PAPPA2: variants seen among roughly 807,000 people sequenced by gnomAD.
PAPPA2 encodes pappalysin-2.
In PAPPA2, 86 loss-of-function variants were observed where a neutral mutation model predicts 176.4. The observed-to-expected ratio is 0.49, with a 90% CI of 0.41 to 0.58. PAPPA2 has a LOEUF of 0.58. PAPPA2 is among the 20% of genes least tolerant of loss of function. The pLI, the probability that PAPPA2 is intolerant of heterozygous loss-of-function variation, is 0.00. For missense variants in PAPPA2, 2,073 were observed against 2,256.9 expected, an observed-to-expected ratio of 0.92 and a Z score of 1.65; for synonymous variants, 809 against 852.2, an observed-to-expected ratio of 0.95 and a Z score of 0.88.
At chr1:176,799,914 G>A in intron 20 of PAPPA2, 147 bp from the exon 21 acceptor site, 1 of 746,588 alleles carries the variant, frequency 1.3e-6, no homozygotes, top group Non-Finnish European at 2.3e-6. Context: ...AGGCTAGATA[G>A]CCCCAATCCA....
At chr1:176,701,630 C>T (rs1381603169) in intron 8 of PAPPA2, among the ~76,000 whole-genome samples, 1 of 152,142 alleles carries the variant, frequency 6.6e-6, no homozygotes, top group African/African-American at 2.4e-5. Context: ...GTTGCTGCAT[C>T]AGCTGAGGGA....
chr1:176,800,035 T>A, intron 20 of PAPPA2, 26 bp from the exon 21 acceptor site: 1 of 1,613,658 alleles, frequency 6.2e-7, no homozygotes, highest in Non-Finnish European at 8.5e-7. Flanking sequence ...AATTTTGTTT[T>A]CTGTTTTTCC....
intron 17 of PAPPA2, among the ~76,000 whole-genome samples, chr1:176,775,420 T>C (rs554940728): frequency 6.6e-6 from 1 of 152,280 alleles, no homozygotes; most frequent in African/African-American, 2.4e-5. Flanking sequence ...TAAACATATA[T>C]AAGTAATTTT....
At chr1:176,549,225 CA>C (rs1203747660) in intron 1 of PAPPA2, among the ~76,000 whole-genome samples, 2 of 152,220 alleles carry the variant, frequency 1.3e-5, no homozygotes, top group African/African-American at 2.4e-5. Flanking sequence ...ACTCTTCACA[CA>C]GTACCCCTGT....
chr1:176,539,846 T>C (rs1032911331), intron 1 of PAPPA2, among the ~76,000 whole-genome samples: 10 of 152,222 alleles, frequency 6.6e-5, no homozygotes, highest in African/African-American at 2.4e-4. Context: ...AACATTTTGC[T>C]GTGGCCATGC....
Position 176,769,853 on chromosome 1 carries a change from G to A in PAPPA2, c.4501+69G>A, listed in dbSNP as rs988025449. The A allele has an allele frequency of 8.9e-6, 13 of 1,453,882 alleles. No homozygotes were observed. In the African/African-American group the frequency reaches 1.9e-4, roughly 21 times the overall value. The allele number at this position is 1,453,882 out of a possible 1,614,324, so 90.1% of individuals were successfully genotyped here. ...TCCCTCGCTCTTGAGGGTACTTTGG[G>A]ACTCTTTTCGTTACCCCAACACCTT... On this transcript the variant is annotated intron_variant, in intron 16 of 22. Coordinates refer to ENST00000367662, the MANE Select transcript of PAPPA2 (RefSeq NM_020318.3).
In PAPPA2 at chr1:176,556,189, G is replaced by C; in HGVS notation, c.-134G>C. On this transcript the variant is annotated 5_prime_UTR_variant, in exon 2 of 23. Coordinates refer to ENST00000367662, the MANE Select transcript of PAPPA2 (RefSeq NM_020318.3). ...GGCATTCTTGGGGCTATTTGAAAAA[G>C]TTTGGTCTGTGAACAAAACAGTTTC... 9.2e-7 allele frequency: 1 copy of C among 1,087,250 alleles called. No individual in the cohort carries two copies. The allele number at this position is 1,087,250 out of a possible 1,614,324, so 67.4% of individuals were successfully genotyped here.
chr1:176,809,855 TG>T (rs1166776369), intron 21 of PAPPA2, among the ~76,000 whole-genome samples: 1 of 151,958 alleles, frequency 6.6e-6, no homozygotes, highest in African/African-American at 2.4e-5. Context: ...CGAGGAATAG[TG>T]GCAATCACGG....
intron 3 of PAPPA2, among the ~76,000 whole-genome samples, chr1:176,623,720 T>TTCTTTCTC (rs1191887920): frequency 7.5e-6 from 1 of 133,310 alleles, no homozygotes; most frequent in Non-Finnish European, 1.6e-5. Context: ...TCTTCTTTCT[T>TTCTTTCTC]TCTTTCTCTT....
intron 12 of PAPPA2, among the ~76,000 whole-genome samples, chr1:176,736,718 T>A (rs908966002): frequency 6.6e-6 from 1 of 150,930 alleles, no homozygotes; most frequent in Admixed American, 6.6e-5. Flanking sequence ...TATGTCCTTA[T>A]GTACAGCAAA....
At position 176,780,738 on chromosome 1, in the gene PAPPA2, C is replaced by T. The variant is rs145681818; in HGVS notation, c.4716-9071C>T. On this transcript the variant is annotated intron_variant, in intron 17 of 22. Transcript: ENST00000367662. ...CTAATATAATAAATAGGCATATTCTCGGTGCTCAATAAATATTTGTTGAAT... is the reference window on the plus strand; with the variant it reads ...CTAATATAATAAATAGGCATATTCTTGGTGCTCAATAAATATTTGTTGAAT... 2.4e-3 allele frequency among the ~76,000 whole-genome samples: 361 copies of T among 151,972 alleles called. 1 individual carries two copies. Among genetic ancestry groups the T allele is most frequent in the African/African-American group, 7.7e-3 (319 of 41,456 alleles).
intron 12 of PAPPA2, among the ~76,000 whole-genome samples, chr1:176,720,627 G>A (rs1020021492): frequency 1.3e-5 from 2 of 152,038 alleles, no homozygotes; most frequent in Non-Finnish European, 2.9e-5. Context: ...AGAAACAATA[G>A]GATGTATCTA....
intron 12 of PAPPA2, among the ~76,000 whole-genome samples, chr1:176,721,105 A>G (rs2102849300): frequency 6.6e-6 from 1 of 152,268 alleles, no homozygotes; most frequent in South Asian, 2.1e-4. Flanking sequence ...ACACCCAGAA[A>G]TAATGCTTTA....
intron 11 of PAPPA2, among the ~76,000 whole-genome samples, chr1:176,711,360 A>T (rs906688012): frequency 3.3e-5 from 5 of 152,124 alleles, no homozygotes; most frequent in Admixed American, 6.6e-5. Flanking sequence ...AGTGGCTTTT[A>T]GTCTAGTCTG....
rs553484684 is a variant in PAPPA2, at chr1:176,651,007, T to C, written c.1992-19963T>C. Among the ~76,000 whole-genome samples, 171 of 151,884 alleles carry C rather than the reference T, an allele frequency of 1.1e-3. 1 individual carries two copies. The highest frequency in any genetic ancestry group is 3.4e-3 in the Middle Eastern group (1 of 294). On this transcript the variant is annotated intron_variant, in intron 3 of 22. Transcript: ENST00000367662. Reference sequence around the variant, plus strand: ...AAAGTGAAAACTTTTTAAAAGTTGGTACTTTATCCCTTCAACATTTTAACT... The same window carrying C: ...AAAGTGAAAACTTTTTAAAAGTTGGCACTTTATCCCTTCAACATTTTAACT...
At chr1:176,515,524 C>G (rs567304382) in intron 1 of PAPPA2, among the ~76,000 whole-genome samples, 5 of 152,170 alleles carry the variant, frequency 3.3e-5, no homozygotes, top group Non-Finnish European at 4.4e-5. Flanking sequence ...TCACGGGCTT[C>G]CTGCCAAACC....
At chr1:176,746,624 A>G (rs1330919468) in intron 14 of PAPPA2, among the ~76,000 whole-genome samples, 3 of 152,166 alleles carry the variant, frequency 2.0e-5, no homozygotes, top group Non-Finnish European at 4.4e-5. Context: ...TAATGTTTTG[A>G]ACTTAAGCAA....
intron 2 of PAPPA2, among the ~76,000 whole-genome samples, chr1:176,557,590 C>T (rs1347706107): frequency 6.6e-6 from 1 of 152,118 alleles, no homozygotes; most frequent in Non-Finnish European, 1.5e-5. Flanking sequence ...ACTCCATTTC[C>T]GGTAGACCAA....
chr1:176,667,334 G>C (rs1658720678), intron 3 of PAPPA2, among the ~76,000 whole-genome samples: 1 of 152,170 alleles, frequency 6.6e-6, no homozygotes, highest in Non-Finnish European at 1.5e-5. Flanking sequence ...ATGATAAGAG[G>C]TGGAGTAAGG....
Sources: gnomAD v4.1 joint callset for allele counts (sites outside exome capture counted in the v4.1 genomes callset) on GRCh38, gnomAD v4.1.1 for gene constraint, MANE v1.5 for transcripts, NCBI Gene and HGNC (gene_info 2026-07-23, HGNC 2026-07-21) for gene names.